Variants in PDS5B observed in about 807,000 individuals in gnomAD.
The protein encoded by PDS5B is sister chromatid cohesion protein PDS5 homolog B.
Under a neutral mutation model 184.1 loss-of-function variants are expected in PDS5B, and 51 were observed. The observed-to-expected ratio is 0.28, with a 90% CI of 0.22 to 0.35. The LOEUF (loss-of-function observed/expected upper bound fraction) is 0.35. Among genes scored for constraint, PDS5B ranks in the 10% least tolerant of loss-of-function variants. The pLI, the probability that PDS5B is intolerant of heterozygous loss-of-function variation, is 1.00. For synonymous variants in PDS5B, 566 were observed against 569.2 expected (o/e 0.99, Z 0.08); for missense variants, 1,180 against 1,723.3 (o/e 0.68, Z 5.58).
Position 32,775,095 on chromosome 13 carries a change from A to AACTTTTT in PDS5B, c.*43_*44insACTTTTT. 4.6e-5 allele frequency: 25 copies of AACTTTTT among 547,540 alleles called. No individual in the cohort carries two copies. The highest frequency in any genetic ancestry group is 6.6e-5 in the African/African-American group (1 of 15,250). The allele number at this position is 547,540 out of a possible 1,614,324, so 33.9% of individuals were successfully genotyped here. A position where few individuals can be genotyped will look rare whatever the true frequency, so the allele number is the denominator to read the frequency against. On this transcript the variant is annotated 3_prime_UTR_variant, in exon 35 of 35. Coordinates refer to ENST00000315596, the MANE Select transcript of PDS5B (RefSeq NM_015032.4). ...CTTTCTCTGTGAAAGCTTTGGAAAAATCTTTTTTTTTTTTTTTGGTCAAGC... is the reference window on the plus strand; with the variant it reads ...CTTTCTCTGTGAAAGCTTTGGAAAAAACTTTTTTCTTTTTTTTTTTTTTTGGTCAAGC...
rs1175407016 is a variant in PDS5B at position 32,716,745 on chromosome 13, A to G, written c.2123+6639A>G. Among the ~76,000 whole-genome samples, 20 of 106,554 alleles carry G rather than the reference A, an allele frequency of 1.9e-4. 1 individual carries two copies. The highest frequency in any genetic ancestry group is 7.0e-4 in the African/African-American group (19 of 27,014). 69.9% of individuals were successfully genotyped at this position (106,554 alleles called of 152,430 possible). On this transcript the variant is annotated intron_variant, in intron 19 of 34. Coordinates refer to ENST00000315596, the MANE Select transcript of PDS5B (RefSeq NM_015032.4). ...TTTTGCCCAGCCGCCCCTACTGGGA[A>G]GTGAGGGGCCCCTCTGCCCGGCCAG...
chr13:32,736,315 C>T (rs1364124227), intron 21 of PDS5B, among the ~76,000 whole-genome samples: 8 of 151,706 alleles, frequency 5.3e-5, no homozygotes, highest in Non-Finnish European at 7.4e-5. Flanking sequence ...TTTGGATTTC[C>T]ACTAATGAAT....
rs116269688 is a variant in PDS5B, at chr13:32,731,477, C to T, written c.2124-624C>T. ...AAAATTGTAATTCTCTTATACCTCC[C>T]TCCCTGTTTCCTATTTCTATCCTCC... On this transcript the variant is annotated intron_variant, in intron 19 of 34. Coordinates refer to ENST00000315596, the MANE Select transcript of PDS5B (RefSeq NM_015032.4). Among the ~76,000 whole-genome samples the T allele has an allele frequency of 9.1e-3, 1,378 of 151,868 alleles. 26 individuals are homozygous for T. Among genetic ancestry groups the T allele is most frequent in the African/African-American group, 0.032 (1,327 of 41,162 alleles).
At chr13:32,759,333 TAGGA>T (rs920020274) in intron 28 of PDS5B, among the ~76,000 whole-genome samples, 1 of 152,114 alleles carries the variant, frequency 6.6e-6, no homozygotes, top group Non-Finnish European at 1.5e-5. Flanking sequence ...AGCAGAGTAA[TAGGA>T]ATATGTACAT....
chr13:32,619,068 C>G (rs753116892), intron 1 of PDS5B, among the ~76,000 whole-genome samples: 2 of 152,230 alleles, frequency 1.3e-5, no homozygotes, highest in Non-Finnish European at 2.9e-5. Context: ...ACAAGTCTCA[C>G]TGTCTGGCAG....
chr13:32,633,631 C>T (rs2058492993), intron 1 of PDS5B, among the ~76,000 whole-genome samples: 1 of 152,106 alleles, frequency 6.6e-6, no homozygotes, highest in South Asian at 2.1e-4. Context: ...GTTAAGTTTT[C>T]CCCATTATAG....
chr13:32,598,318 C>T (rs1394752138), intron 1 of PDS5B, among the ~76,000 whole-genome samples: 1 of 152,088 alleles, frequency 6.6e-6, no homozygotes, highest in African/African-American at 2.4e-5. Flanking sequence ...TGTGATCCAC[C>T]TGCCTTGGCC....
intron 10 of PDS5B, among the ~76,000 whole-genome samples, chr13:32,679,306 A>AACTAGT (rs1314476986): frequency 6.6e-6 from 1 of 152,198 alleles, no homozygotes; most frequent in Non-Finnish European, 1.5e-5. Flanking sequence ...TAAACTAAGA[A>AACTAGT]ACTAGTAATT....
At chr13:32,586,746 A>C (rs1405114332) in intron 1 of PDS5B, among the ~76,000 whole-genome samples, 153 bp downstream of exon 1, 1 of 146,272 alleles carries the variant, frequency 6.8e-6, no homozygotes, top group South Asian at 2.2e-4. Context: ...GCCTCCCGGC[A>C]TCGGGGGCTG....
At chr13:32,633,263 TTAA>T (rs1441954651) in intron 1 of PDS5B, among the ~76,000 whole-genome samples, 1 of 152,056 alleles carries the variant, frequency 6.6e-6, no homozygotes, top group Non-Finnish European at 1.5e-5. Context: ...GTAAATATAA[TTAA>T]TAATGTCACT....
intron 20 of PDS5B, among the ~76,000 whole-genome samples, chr13:32,733,280 C>T (rs7319275): frequency 6.6e-6 from 1 of 151,956 alleles, no homozygotes; most frequent in South Asian, 2.1e-4. Context: ...TAGTCCTCCT[C>T]CTATGTAGCA....
intron 3 of PDS5B, among the ~76,000 whole-genome samples, chr13:32,655,380 T>A (rs1231498222): frequency 0.029 from 1,918 of 65,898 alleles, 46 homozygotes; most frequent in African/African-American, 0.079. Context: ...ATATATTTTT[T>A]TTTTTTTTTT....
rs769776320 is a variant in PDS5B at position 32,758,570 on chromosome 13, A to G, written c.3226A>G (p.Ile1076Val). The G allele has an allele frequency of 1.2e-6, 2 of 1,609,830 alleles. No homozygotes were observed. The highest frequency in any genetic ancestry group is 1.3e-5 in the African/African-American group (1 of 74,854). Residue 1076 changes from isoleucine (I) to valine (V), a missense_variant, in exon 28 of 35, where the codon ATC (isoleucine) becomes GTC (valine). This residue lies in a region of PDS5B where 465 missense variants were observed against 497.8 expected (regional missense o/e 0.93). Transcript: ENST00000315596. ...YTVCDVAMNI[I>V]MSKSTTYSLE... ...TGTGTGTGATGTTGCCATGAATATC[A>G]TCATGTCAAAGAGTACTACATACAG...
chr13:32,587,178 G>A (rs1201146106), intron 1 of PDS5B, among the ~76,000 whole-genome samples: 1 of 148,170 alleles, frequency 6.7e-6, no homozygotes, highest in Non-Finnish European at 1.5e-5. Context: ...CGCCCCCGCC[G>A]CCGGGTCCCC....
intron 1 of PDS5B, among the ~76,000 whole-genome samples, chr13:32,640,516 A>G (rs9595983): frequency 0.38 from 58,255 of 151,836 alleles, 11,637 homozygotes; most frequent in Non-Finnish European, 0.44. Flanking sequence ...CAAAGTGCTG[A>G]GATTACAGGC....
At chr13:32,741,961 AC>A (rs1248363283) in intron 22 of PDS5B, among the ~76,000 whole-genome samples, 1 of 152,044 alleles carries the variant, frequency 6.6e-6, no homozygotes, top group Non-Finnish European at 1.5e-5. Flanking sequence ...TAGGCCACTT[AC>A]CAACTTACCA....
intron 33 of PDS5B, among the ~76,000 whole-genome samples, chr13:32,772,692 G>A (rs1366058331): frequency 6.6e-6 from 1 of 152,104 alleles, no homozygotes; most frequent in East Asian, 1.9e-4. Context: ...GCTCAGTAGG[G>A]AGCAGTAACA....
At chr13:32,745,699 G>A (rs1953717370) in intron 23 of PDS5B, among the ~76,000 whole-genome samples, 1 of 152,032 alleles carries the variant, frequency 6.6e-6, no homozygotes, top group African/African-American at 2.4e-5. Context: ...TGGCAGAAGC[G>A]GTAAACAAGC....
chr13:32,698,015 A>G (rs1245099886), intron 15 of PDS5B, among the ~76,000 whole-genome samples: 2 of 150,776 alleles, frequency 1.3e-5, no homozygotes, highest in African/African-American at 4.9e-5. Context: ...TTGGCTATGG[A>G]TACTGTCTCC....
Sources: allele counts gnomAD v4.1 joint callset (sites outside exome capture counted in the v4.1 genomes callset), GRCh38; gene constraint gnomAD v4.1.1; regional missense constraint gnomAD v4.1.1; transcripts MANE v1.5; gene names NCBI Gene and HGNC (gene_info 2026-07-23, HGNC 2026-07-21).